The following CYTH1 variants were observed in gnomAD, a reference collection of about 807,000 sequenced individuals.
The protein encoded by CYTH1 is cytohesin 1, also known as cytohesin-1.
In CYTH1, 18 loss-of-function variants were observed where a neutral mutation model predicts 61.8. The ratio of observed to expected loss-of-function variants is 0.29; its 90% confidence interval spans 0.20 to 0.43. CYTH1 has a LOEUF of 0.43. CYTH1 is among the 20% of genes least tolerant of loss of function. CYTH1 has a pLI of 1.00. For missense variants in CYTH1, 336 were observed against 510.5 expected, an observed-to-expected ratio of 0.66 and a Z score of 3.29; for synonymous variants, 174 against 184.3, an observed-to-expected ratio of 0.94 and a Z score of 0.45.
intron 1 of CYTH1, among the ~76,000 whole-genome samples, chr17:78,739,387 CAAGT>C (rs902119499): frequency 9.9e-5 from 15 of 152,256 alleles, no homozygotes; most frequent in African/African-American, 2.9e-4. Context: ...GGTGGGGAAA[CAAGT>C]AAGTAAAATA....
intron 1 of CYTH1, among the ~76,000 whole-genome samples, chr17:78,775,240 C>A (rs1241041174): frequency 6.6e-6 from 1 of 152,126 alleles, no homozygotes; most frequent in Non-Finnish European, 1.5e-5. Context: ...ATTGGGGGGG[C>A]CGCTGGGGGT....
chr17:78,709,363 A>G (rs753356665), intron 2 of CYTH1: 20 of 345,678 alleles, frequency 5.8e-5, no homozygotes, highest in Non-Finnish European at 1.0e-4. Context: ...AAGGGCAAAC[A>G]CAGCAGAGAG....
rs2093421185 is a variant in CYTH1 at position 78,760,467 on chromosome 17, ATATG to A, written c.22+21731_22+21734del. Among the ~76,000 whole-genome samples, 9 of 48,272 alleles carry A rather than the reference ATATG, an allele frequency of 1.9e-4. 1 individual carries two copies. Among genetic ancestry groups the A allele is most frequent in the South Asian group, 1.8e-3 (3 of 1,704 alleles). The allele number at this position is 48,272 out of a possible 152,430, so 31.7% of individuals were successfully genotyped here. The stretch of plus-strand genomic sequence containing the variant: ...TGTATATATATATACATACATATAT[ATATG>A]TATATATATGTATGTATATATATAT... On this transcript the variant is annotated intron_variant, in intron 1 of 13. Coordinates refer to ENST00000446868, the MANE Select transcript of CYTH1 (RefSeq NM_004762.6).
At chr17:78,757,594 A>C (rs2093406822) in intron 1 of CYTH1, among the ~76,000 whole-genome samples, 1 of 152,182 alleles carries the variant, frequency 6.6e-6, no homozygotes, top group Admixed American at 6.5e-5. Context: ...CAATGCTGAG[A>C]GAGGCAGGAA....
At chr17:78,739,091 C>T (rs945388043) in intron 1 of CYTH1, among the ~76,000 whole-genome samples, 1 of 152,238 alleles carries the variant, frequency 6.6e-6, no homozygotes, top group Non-Finnish European at 1.5e-5. Flanking sequence ...GGTATTTCCT[C>T]TTTCATGAAT....
rs771352076 is a variant in CYTH1 at position 78,709,682 on chromosome 17, G to A, written c.73C>T (p.Arg25Trp). The A allele has an allele frequency of 6.2e-6, 10 of 1,614,108 alleles. No homozygotes were observed. In the African/African-American group the frequency reaches 6.7e-5, roughly 11 times the overall value. ...TCAGCCAGCAGCTCCTGTTTTCTCC[G>A]TCGGATGTTCTCCAGTTCTTGACGC... ...EERQELENIR[R>W]RKQELLADIQ... Residue 25 changes from arginine to tryptophan, a missense_variant, in exon 2 of 14, where the codon CGG becomes TGG. Transcript: ENST00000446868.
chr17:78,674,225 A>C lies in CYTH1; in HGVS notation c.*1866T>G, dbSNP rs559324607. On this transcript the variant is annotated 3_prime_UTR_variant, in exon 14 of 14. Transcript: ENST00000446868. Reference sequence around the variant, plus strand: ...AACTTCTTTTAAACAAATACAAAATAATCTAAAAGGAGAAAAACTATACAT... The same window carrying C: ...AACTTCTTTTAAACAAATACAAAATCATCTAAAAGGAGAAAAACTATACAT... 1 of 152,798 alleles carries C rather than the reference A, an allele frequency of 6.5e-6. No individual in the cohort carries two copies. Among genetic ancestry groups the C allele is most frequent in the East Asian group, 1.9e-4 (1 of 5,188 alleles). 9.5% of individuals were successfully genotyped at this position (152,798 alleles called of 1,614,324 possible).
chr17:78,769,154 A>G (rs1290234543), intron 1 of CYTH1, among the ~76,000 whole-genome samples: 1 of 152,136 alleles, frequency 6.6e-6, no homozygotes, highest in Non-Finnish European at 1.5e-5. Context: ...TCAAAAAAAA[A>G]AAAAGCAAAA....
chr17:78,680,220 T>C lies in CYTH1; in HGVS notation c.1088A>G (p.Glu363Gly). 1 of 1,614,176 alleles carries C rather than the reference T, an allele frequency of 6.2e-7. No individual in the cohort carries two copies. The highest frequency in any genetic ancestry group is 8.5e-7 in the Non-Finnish European group (1 of 1,180,026). ...TVYRISAPTP[E>G]EKEEWIKCIK... ...GCACTTAATCCACTCCTCCTTCTCC[T>C]CGGGCGTCGGAGCTGAGATCCGGTA... The change falls in exon 13 of 14, where the codon GAG becomes GGG. Residue 363 changes from glutamate to glycine, a missense_variant. By Grantham distance (98) the Glu-to-Gly change is moderately conservative. Coordinates refer to ENST00000446868, the MANE Select transcript of CYTH1 (RefSeq NM_004762.6).
intron 1 of CYTH1, among the ~76,000 whole-genome samples, chr17:78,732,794 A>G (rs189468512): frequency 3.0e-4 from 46 of 152,246 alleles, no homozygotes; most frequent in Middle Eastern, 3.4e-3. Flanking sequence ...CACGCATTAA[A>G]ACATGGGATA....
Position 78,733,076 on chromosome 17 carries a change from C to CAAAAAAA in CYTH1, c.23-23351_23-23345dup, listed in dbSNP as rs56020680. ...CTGGCAACAGAGTGAGACTCCATCT[C>CAAAAAAA]AAAAAAAAAAAAAAAAAAAAAAAAA... is the stretch of plus-strand genomic sequence containing the variant. On this transcript the variant is annotated intron_variant, in intron 1 of 13. Coordinates refer to ENST00000446868, the MANE Select transcript of CYTH1 (RefSeq NM_004762.6). Among the ~76,000 whole-genome samples the CAAAAAAA allele has an allele frequency of 8.0e-4, 38 of 47,730 alleles. 2 individuals carry two copies. In the East Asian group the frequency reaches 0.018, roughly 23 times the overall value. The allele number at this position is 47,730 out of a possible 152,430, so 31.3% of individuals were successfully genotyped here.
intron 1 of CYTH1, among the ~76,000 whole-genome samples, chr17:78,731,769 A>C (rs915147944): frequency 4.6e-5 from 7 of 151,738 alleles, no homozygotes; most frequent in Admixed American, 1.3e-4. Flanking sequence ...AAAAAAAAAA[A>C]AACAAAAAAA....
At chr17:78,721,636 C>T (rs1046906759) in intron 1 of CYTH1, among the ~76,000 whole-genome samples, 1 of 152,210 alleles carries the variant, frequency 6.6e-6, no homozygotes, top group Non-Finnish European at 1.5e-5. Flanking sequence ...GGCGATGCTG[C>T]CTGGGCTTTC....
At chr17:78,743,397 G>A (rs2093348879) in intron 1 of CYTH1, among the ~76,000 whole-genome samples, 2 of 152,094 alleles carry the variant, frequency 1.3e-5, no homozygotes, top group South Asian at 4.1e-4. Flanking sequence ...GGCCTCTGAA[G>A]CTGTCTACCT....
chr17:78,696,819 A>G (rs971118434), intron 9 of CYTH1: 2 of 152,202 alleles, frequency 1.3e-5, no homozygotes, highest in African/African-American at 4.8e-5. Flanking sequence ...ATTTAAACAA[A>G]TCTCGCTGTA....
chr17:78,728,095 A>C, intron 1 of CYTH1: 1 of 157,592 alleles, frequency 6.3e-6, no homozygotes. Context: ...ATTCTACCCC[A>C]AACACTGGTA....
intron 1 of CYTH1, among the ~76,000 whole-genome samples, chr17:78,738,752 T>C (rs971827591): frequency 6.6e-6 from 1 of 152,242 alleles, no homozygotes; most frequent in Admixed American, 6.5e-5. Context: ...CTATGTTTAA[T>C]GATTCCCAAA....
intron 1 of CYTH1, among the ~76,000 whole-genome samples, chr17:78,726,462 C>T (rs1182177035): frequency 6.6e-6 from 1 of 152,084 alleles, no homozygotes; most frequent in Non-Finnish European, 1.5e-5. Flanking sequence ...TTTCGGCCCT[C>T]CAAGAGCTCA....
chr17:78,722,308 CT>C (rs951383742), intron 1 of CYTH1, among the ~76,000 whole-genome samples: 1 of 152,224 alleles, frequency 6.6e-6, no homozygotes, highest in African/African-American at 2.4e-5. Flanking sequence ...TTCCCAGCAG[CT>C]TCTTTCTAGC....
Sources: allele counts gnomAD v4.1 joint callset (sites outside exome capture counted in the v4.1 genomes callset), GRCh38; gene constraint gnomAD v4.1.1; transcripts MANE v1.5; gene names NCBI Gene and HGNC (gene_info 2026-07-23, HGNC 2026-07-21).